HHAT: variants seen among roughly 807,000 people sequenced by gnomAD.
HHAT encodes the protein protein-cysteine N-palmitoyltransferase HHAT.
Under a neutral mutation model 70.8 loss-of-function variants are expected in HHAT, and 47 were observed. The ratio of observed to expected loss-of-function variants is 0.66; its 90% CI spans 0.53 to 0.85. HHAT has a LOEUF of 0.85. Ranked by LOEUF, HHAT falls within the 40% of genes least tolerant of loss-of-function variation. The pLI, the probability that HHAT is intolerant of heterozygous loss-of-function variation, is 0.00. For missense variants in HHAT, 609 were observed against 604.8 expected, an observed-to-expected ratio of 1.01 and a Z score of -0.07; for synonymous variants, 228 against 247.6, an observed-to-expected ratio of 0.92 and a Z score of 0.74.
chr1:210,375,814 C>G lies in HHAT; in HGVS notation c.160-11654C>G, dbSNP rs116268870. On this transcript the variant is annotated intron_variant, in intron 3 of 11. Transcript: ENST00000261458. ...TATTTTTTCAGTCAGTTTTCTCTCT[C>G]TTGTTCAGATTGGGTGATTTTTATT... is the stretch of plus-strand genomic sequence containing the variant. Among the ~76,000 whole-genome samples the G allele has an allele frequency of 2.7e-3, 406 of 150,534 alleles. 1 individual carries two copies. The highest frequency in any genetic ancestry group is 9.5e-3 in the African/African-American group (392 of 41,062).
rs150392292 is a variant in HHAT, at chr1:210,519,746, T to C, written c.1043+6558T>C. Among the ~76,000 whole-genome samples the C allele has an allele frequency of 3.0e-3, 460 of 152,060 alleles. 2 individuals carry two copies. The highest frequency in any genetic ancestry group is 0.011 in the African/African-American group (441 of 41,494). ...TCCTACTGTGTTGTCCAGGCTGCTT[T>C]TGAACTCCTGAGCTCAAGCGATTCT... On this transcript the variant is annotated intron_variant, in intron 9 of 11. Transcript: ENST00000261458.
rs113384257 is a variant in HHAT, at chr1:210,400,106, T to C, written c.274-362T>C. 8.7e-3 allele frequency among the ~76,000 whole-genome samples: 1,325 copies of C among 152,258 alleles called. 24 individuals are homozygous for C. The highest frequency in any genetic ancestry group is 0.031 in the African/African-American group (1,273 of 41,544). On this transcript the variant is annotated intron_variant, in intron 4 of 11. Coordinates refer to ENST00000261458, the MANE Select transcript of HHAT (RefSeq NM_018194.6). Reference sequence around the variant, plus strand: ...ATGCTGTATGTGGGATGTGGTCCAGTTGGCATTTTTCCAGCTGTCTTCTGG... The same window carrying C: ...ATGCTGTATGTGGGATGTGGTCCAGCTGGCATTTTTCCAGCTGTCTTCTGG...
chr1:210,652,813 T>C (rs1675445518), intron 11 of HHAT, among the ~76,000 whole-genome samples: 1 of 152,166 alleles, frequency 6.6e-6, no homozygotes, highest in Non-Finnish European at 1.5e-5. Context: ...AAATTGAAAG[T>C]AGGACAAGGT....
intron 11 of HHAT, chr1:210,631,188 A>G: frequency 6.7e-6 from 3 of 446,880 alleles, no homozygotes; most frequent in South Asian, 4.8e-5. Flanking sequence ...TGAGATTATA[A>G]GCCCTTTGAC....
chr1:210,554,306 C>T (rs1462855922), intron 9 of HHAT, among the ~76,000 whole-genome samples: 1 of 152,172 alleles, frequency 6.6e-6, no homozygotes, highest in Non-Finnish European at 1.5e-5. Context: ...AAAACTCTGA[C>T]CCTCTCCTAA....
At chr1:210,389,393 CCCG>C (rs2091301831) in intron 4 of HHAT, among the ~76,000 whole-genome samples, 3 of 152,160 alleles carry the variant, frequency 2.0e-5, no homozygotes, top group Admixed American at 6.5e-5. Flanking sequence ...CAGTCCCACT[CCCG>C]TGATAACTCA....
chr1:210,426,821 A>G lies in HHAT; in HGVS notation c.856+8496A>G, dbSNP rs527305845. 4.6e-5 allele frequency among the ~76,000 whole-genome samples: 7 copies of G among 152,208 alleles called. No individual in the cohort carries two copies. The East Asian group carries it at 1.2e-3, about 25-fold the overall frequency. ...AGTTTTCTTTTGTTGTGTCTCTGCC[A>G]GGTTTTGGCATCAGGATGATGCTGG... On this transcript the variant is annotated intron_variant, in intron 7 of 11. Coordinates refer to ENST00000261458, the MANE Select transcript of HHAT (RefSeq NM_018194.6).
At chr1:210,446,996 C>G (rs958422139) in intron 7 of HHAT, among the ~76,000 whole-genome samples, 6 of 152,148 alleles carry the variant, frequency 3.9e-5, no homozygotes, top group Non-Finnish European at 4.4e-5. Flanking sequence ...ATTGACACTC[C>G]ATAAATATTT....
chr1:210,420,890 G>T (rs2092882069), intron 7 of HHAT, among the ~76,000 whole-genome samples: 1 of 152,130 alleles, frequency 6.6e-6, no homozygotes, highest in Non-Finnish European at 1.5e-5. Context: ...TCACTATCCA[G>T]AGTTTGTCAA....
intron 8 of HHAT, among the ~76,000 whole-genome samples, chr1:210,490,679 T>C (rs976390307): frequency 2.8e-4 from 43 of 152,306 alleles, no homozygotes; most frequent in African/African-American, 1.0e-3. Context: ...ACGAAAGACA[T>C]ACCTGCTGAC....
At chr1:210,456,002 A>T (rs1191652082) in intron 7 of HHAT, among the ~76,000 whole-genome samples, 1 of 151,608 alleles carries the variant, frequency 6.6e-6, no homozygotes, top group Non-Finnish European at 1.5e-5. Flanking sequence ...TAGGTAGAGG[A>T]GAGTGCAAAG....
intron 6 of HHAT, among the ~76,000 whole-genome samples, chr1:210,405,480 G>A (rs1475618822): frequency 6.6e-6 from 1 of 152,134 alleles, no homozygotes; most frequent in African/African-American, 2.4e-5. Context: ...AATCCTCATA[G>A]AGGAGAAAAT....
chr1:210,663,246 G>A (rs554150750), intron 11 of HHAT, among the ~76,000 whole-genome samples: 2 of 152,314 alleles, frequency 1.3e-5, no homozygotes, highest in African/African-American at 4.8e-5. Context: ...GAGTGAGTGA[G>A]TGCTAGCTGA....
chr1:210,362,091 TTTATC>T (rs1323292128), intron 2 of HHAT, among the ~76,000 whole-genome samples: 1 of 152,210 alleles, frequency 6.6e-6, no homozygotes. Context: ...CAGATTTTAT[TTTATC>T]TTTTGTTTCA....
At chr1:210,362,446 C>A (rs528257897) in intron 2 of HHAT, among the ~76,000 whole-genome samples, 2 of 152,276 alleles carry the variant, frequency 1.3e-5, no homozygotes, top group South Asian at 4.1e-4. Flanking sequence ...AGGCTGGTCT[C>A]AAACTCCTGA....
At chr1:210,499,336 G>C (rs919831380) in intron 8 of HHAT, among the ~76,000 whole-genome samples, 1 of 152,138 alleles carries the variant, frequency 6.6e-6, no homozygotes, top group Non-Finnish European at 1.5e-5. Context: ...AAAATAATTT[G>C]ATGGAAAGCT....
intron 11 of HHAT, among the ~76,000 whole-genome samples, chr1:210,639,157 G>A (rs1386009665): frequency 2.0e-5 from 3 of 152,040 alleles, no homozygotes; most frequent in Admixed American, 6.5e-5. Context: ...GCACCCAACA[G>A]CCTGTCCACT....
intron 10 of HHAT, among the ~76,000 whole-genome samples, chr1:210,617,208 C>A (rs1667929608): frequency 6.6e-6 from 1 of 152,090 alleles, no homozygotes; most frequent in African/African-American, 2.4e-5. Context: ...ATATGGAAGC[C>A]CATGTTATGT....
At chr1:210,551,295 C>T (rs2095525745) in intron 9 of HHAT, among the ~76,000 whole-genome samples, 1 of 148,890 alleles carries the variant, frequency 6.7e-6, no homozygotes, top group Non-Finnish European at 1.5e-5. Context: ...AAGCAGAATC[C>T]TTAGCACCCC....
Sources: gnomAD v4.1 joint callset for allele counts (sites outside exome capture counted in the v4.1 genomes callset) on GRCh38, gnomAD v4.1.1 for gene constraint, MANE v1.5 for transcripts, NCBI Gene and HGNC (gene_info 2026-07-23, HGNC 2026-07-21) for gene names.